PPP6R3: variants seen among roughly 807,000 people sequenced by gnomAD.
PPP6R3 encodes the protein protein phosphatase 6 regulatory subunit 3.
PPP6R3 carries 38 observed loss-of-function variants against 110.7 expected under a neutral mutation model. The observed-to-expected ratio is 0.34, with a 90% CI of 0.26 to 0.45. The LOEUF (loss-of-function observed/expected upper bound fraction) is 0.45. PPP6R3 is among the 20% of genes least tolerant of loss of function. PPP6R3 has a pLI of 1.00. For missense variants in PPP6R3, 870 were observed against 1,062.4 expected (o/e 0.82, Z 2.52); for synonymous variants, 369 against 373.5 (o/e 0.99, Z 0.14).
intron 15 of PPP6R3, among the ~76,000 whole-genome samples, 183 bp downstream of exon 15, chr11:68,583,312 A>G (rs1013108457): frequency 5.9e-5 from 9 of 152,230 alleles, no homozygotes; most frequent in Admixed American, 2.0e-4. Context: ...TGTATTGGTT[A>G]TGTTTCAAGG....
intron 9 of PPP6R3, among the ~76,000 whole-genome samples, chr11:68,564,970 G>T (rs1411835483): frequency 6.6e-6 from 1 of 152,180 alleles, no homozygotes; most frequent in Non-Finnish European, 1.5e-5. Context: ...TATAAATGGT[G>T]TTCTTTCGCC....
intron 1 of PPP6R3, among the ~76,000 whole-genome samples, chr11:68,481,152 TA>T (rs1314473872): frequency 1.3e-5 from 2 of 152,072 alleles, no homozygotes; most frequent in Admixed American, 6.5e-5. Flanking sequence ...ATTTTATACA[TA>T]AAAAAATATT....
chr11:68,542,400 T>TTTTTTTTTTTTTTTTTTTTTTTC (rs1173863254), intron 3 of PPP6R3, among the ~76,000 whole-genome samples: 16 of 63,370 alleles, frequency 2.5e-4, no homozygotes, highest in African/African-American at 8.7e-4. Flanking sequence ...TTTTTTTTTT[T>TTTTTTTTTTTTTTTTTTTTTTTC]TTTTTTTTTT....
At chr11:68,471,969 G>A (rs958647832) in intron 1 of PPP6R3, among the ~76,000 whole-genome samples, 7 of 152,082 alleles carry the variant, frequency 4.6e-5, no homozygotes, top group African/African-American at 1.7e-4. Flanking sequence ...AGAATGAGGG[G>A]GTGTCAGGGC....
At chr11:68,591,124 T>A (rs2153867787) in intron 17 of PPP6R3, among the ~76,000 whole-genome samples, 1 of 151,714 alleles carries the variant, frequency 6.6e-6, no homozygotes, top group East Asian at 2.0e-4. Flanking sequence ...AGTTTATTGA[T>A]TTTATGTTGA....
In PPP6R3 at chr11:68,521,270, A is replaced by G. The variant is rs963479807; in HGVS notation, c.-7+1619A>G. ...ACTACATTTTAAGTATTTTGTGAGCAAACAGCTGTAACTTCTTTGTATCTT... is the reference window on the plus strand; with the variant it reads ...ACTACATTTTAAGTATTTTGTGAGCGAACAGCTGTAACTTCTTTGTATCTT... On this transcript the variant is annotated intron_variant, in intron 2 of 23. Coordinates refer to ENST00000393800, the MANE Select transcript of PPP6R3 (RefSeq NM_001164161.2). Among the ~76,000 whole-genome samples, 7 of 152,336 alleles carry G rather than the reference A, an allele frequency of 4.6e-5. No homozygotes were observed. The South Asian group carries it at 1.4e-3, about 32-fold the overall frequency.
chr11:68,540,576 C>G (rs1254783806), intron 3 of PPP6R3, among the ~76,000 whole-genome samples: 2 of 152,050 alleles, frequency 1.3e-5, no homozygotes, highest in East Asian at 3.9e-4. Context: ...GAGATCAACC[C>G]GTCTGACCAA....
chr11:68,511,463 A>AGTGTGTGTGTGTGTGTGTGT (rs111457206), intron 1 of PPP6R3, among the ~76,000 whole-genome samples: 5,664 of 138,410 alleles, frequency 0.041, 165 homozygotes, highest in East Asian at 0.06. Context: ...ACTGTGTTAG[A>AGTGTGTGTGTGTGTGTGTGT]GTGTGTGTGT....
chr11:68,469,225 C>T (rs1292477803), intron 1 of PPP6R3, among the ~76,000 whole-genome samples: 2 of 152,192 alleles, frequency 1.3e-5, no homozygotes, highest in African/African-American at 2.4e-5. Context: ...TAGGACTTTA[C>T]TTATAAAAGC....
intron 1 of PPP6R3, among the ~76,000 whole-genome samples, chr11:68,482,206 T>C (rs968332134): frequency 8.1e-6 from 1 of 123,214 alleles, no homozygotes; most frequent in African/African-American, 3.2e-5. Context: ...GCCAACATGG[T>C]GAAACCCCAT....
At chr11:68,589,801 G>A (rs1319033419) in intron 16 of PPP6R3, among the ~76,000 whole-genome samples, 5 of 152,234 alleles carry the variant, frequency 3.3e-5, no homozygotes, top group African/African-American at 4.8e-5. Flanking sequence ...TCTTAATTGT[G>A]CTATAAACAT....
intron 1 of PPP6R3, among the ~76,000 whole-genome samples, chr11:68,514,677 C>G (rs149615933): frequency 0.012 from 1,741 of 151,030 alleles, 34 homozygotes; most frequent in African/African-American, 0.04. Context: ...TTCTGTCTCC[C>G]AGGTTCAAGT....
chr11:68,464,945 G>A (rs2098735210), intron 1 of PPP6R3, among the ~76,000 whole-genome samples: 1 of 150,168 alleles, frequency 6.7e-6, no homozygotes, highest in South Asian at 2.1e-4. Context: ...GCAGTGGCAT[G>A]ATCTTGGCTC....
chr11:68,537,838 C>G lies in PPP6R3; in HGVS notation c.174C>G (p.Val58=). The G allele has an allele frequency of 1.2e-6, 2 of 1,613,998 alleles. No individual in the cohort carries two copies. The highest frequency in any genetic ancestry group is 1.7e-4 in the Middle Eastern group (1 of 6,060). Residue 58 remains valine, a synonymous_variant, in exon 3 of 24, where the codon GTC becomes GTG. Transcript: ENST00000393800. ...AAGCAGAATGTCTCGAAGATTTAGT[C>G]TCATTCATTATAGAAGAACCACCTC... ...LLKAECLEDL[V]SFIIEEPPQD...
At chr11:68,480,400 ACTGT>A (rs1300106758) in intron 1 of PPP6R3, among the ~76,000 whole-genome samples, 2 of 152,260 alleles carry the variant, frequency 1.3e-5, no homozygotes, top group African/African-American at 2.4e-5. Context: ...TGTACCAGAC[ACTGT>A]CTGGGCACTT....
intron 1 of PPP6R3, among the ~76,000 whole-genome samples, chr11:68,463,815 TC>T (rs1383401085): frequency 1.3e-5 from 2 of 152,164 alleles, no homozygotes; most frequent in Non-Finnish European, 2.9e-5. Context: ...TGGGGGTGGT[TC>T]CCCCCTCACC....
chr11:68,579,544 T>C (rs2099544905), intron 14 of PPP6R3, among the ~76,000 whole-genome samples: 1 of 152,190 alleles, frequency 6.6e-6, no homozygotes, highest in African/African-American at 2.4e-5. Context: ...TCAGTAAATA[T>C]TTGAGTGCCT....
At chr11:68,480,179 A>G (rs1234086353) in intron 1 of PPP6R3, among the ~76,000 whole-genome samples, 1 of 152,144 alleles carries the variant, frequency 6.6e-6, no homozygotes, top group Non-Finnish European at 1.5e-5. Flanking sequence ...AGCTATACGG[A>G]CCATATATTC....
At chr11:68,520,694 T>C (rs2099159780) in intron 2 of PPP6R3, among the ~76,000 whole-genome samples, 1 of 152,186 alleles carries the variant, frequency 6.6e-6, no homozygotes, top group Non-Finnish European at 1.5e-5. Flanking sequence ...TCAATATTCT[T>C]CCGGATGAAT....
Sources: allele counts gnomAD v4.1 joint callset (sites outside exome capture counted in the v4.1 genomes callset), GRCh38; gene constraint gnomAD v4.1.1; transcripts MANE v1.5; gene names NCBI Gene and HGNC (gene_info 2026-07-23, HGNC 2026-07-21).